Variants in IMMP2L observed in about 807,000 individuals in gnomAD.
The protein encoded by IMMP2L is mitochondrial inner membrane protease subunit 2.
Under a neutral mutation model 19.3 loss-of-function variants are expected in IMMP2L, and 18 were observed. That is an observed-to-expected ratio of 0.93 (90% CI 0.64 to 1.38). The LOEUF (loss-of-function observed/expected upper bound fraction) is 1.38. IMMP2L is among the 40% of genes most tolerant of loss of function. The pLI, the probability that IMMP2L is intolerant of heterozygous loss-of-function variation, is 0.00. For synonymous variants in IMMP2L, 76 were observed against 73.0 expected (o/e 1.04, Z -0.21); for missense variants, 233 against 218.2 (o/e 1.07, Z -0.43).
intron 4 of IMMP2L, among the ~76,000 whole-genome samples, chr7:110,901,004 C>T (rs1585194217): frequency 6.6e-6 from 1 of 152,052 alleles, no homozygotes; most frequent in African/African-American, 2.4e-5. Flanking sequence ...TGTTGCTTCA[C>T]TTGCTGTTCT....
At position 111,010,729 on chromosome 7, in the gene IMMP2L, T is replaced by C. The variant is rs531922672; in HGVS notation, c.240-47164A>G. On this transcript the variant is annotated intron_variant, in intron 3 of 5. Coordinates refer to ENST00000405709, the MANE Select transcript of IMMP2L (RefSeq NM_032549.4). Reference sequence around the variant, plus strand: ...AGCTAGGTCCTCCATCCAGGTACTTTGGAAGAAATCAGATAACTGAAGCTC... The same window carrying C: ...AGCTAGGTCCTCCATCCAGGTACTTCGGAAGAAATCAGATAACTGAAGCTC... Among the ~76,000 whole-genome samples, 5 of 152,156 alleles carry C rather than the reference T, an allele frequency of 3.3e-5. 1 individual carries two copies. Among genetic ancestry groups the C allele is most frequent in the African/African-American group, 1.2e-4 (5 of 41,528 alleles).
chr7:110,824,468 G>C (rs1584943347), intron 5 of IMMP2L, among the ~76,000 whole-genome samples: 1 of 152,084 alleles, frequency 6.6e-6, no homozygotes, highest in South Asian at 2.1e-4. Context: ...CCAGGCTCAA[G>C]AGATCCTCCC....
At chr7:111,068,216 G>C (rs1794671118) in intron 3 of IMMP2L, among the ~76,000 whole-genome samples, 1 of 151,580 alleles carries the variant, frequency 6.6e-6, no homozygotes, top group South Asian at 2.1e-4. Context: ...GAAAGAGTGT[G>C]AGAAGACAGA....
chr7:111,377,217 G>A (rs1016003719), intron 3 of IMMP2L, among the ~76,000 whole-genome samples: 1 of 151,656 alleles, frequency 6.6e-6, no homozygotes, highest in Non-Finnish European at 1.5e-5. Flanking sequence ...CTTCTATAAT[G>A]TTACTCTTTC....
At chr7:110,868,164 T>C (rs920555210) in intron 5 of IMMP2L, among the ~76,000 whole-genome samples, 2 of 131,138 alleles carry the variant, frequency 1.5e-5, no homozygotes, top group African/African-American at 5.5e-5. Flanking sequence ...GAAAATTCAG[T>C]GATACGGAGA....
intron 5 of IMMP2L, among the ~76,000 whole-genome samples, chr7:110,874,944 C>T (rs1808915530): frequency 6.6e-6 from 1 of 151,838 alleles, no homozygotes; most frequent in Non-Finnish European, 1.5e-5. Flanking sequence ...GGCAGAAGGG[C>T]AAAGAGGAAA....
At chr7:111,168,381 C>A (rs1468392710) in intron 3 of IMMP2L, among the ~76,000 whole-genome samples, 1 of 151,628 alleles carries the variant, frequency 6.6e-6, no homozygotes, top group Non-Finnish European at 1.5e-5. Flanking sequence ...ATGTACGTTG[C>A]TAAGCAAACC....
chr7:110,814,297 T>A (rs891235135), intron 5 of IMMP2L, among the ~76,000 whole-genome samples: 2 of 151,916 alleles, frequency 1.3e-5, no homozygotes, highest in Non-Finnish European at 2.9e-5. Flanking sequence ...AACTGGGGCC[T>A]ACTTGAGGTT....
At chr7:110,682,594 G>C (rs116111426) in intron 5 of IMMP2L, among the ~76,000 whole-genome samples, 1 of 152,076 alleles carries the variant, frequency 6.6e-6, no homozygotes, top group African/African-American at 2.4e-5. Context: ...CTTCTCACCC[G>C]CCTGGAAAGA....
chr7:111,253,528 G>T (rs540997245), intron 3 of IMMP2L, among the ~76,000 whole-genome samples: 15 of 152,274 alleles, frequency 9.9e-5, no homozygotes, highest in Non-Finnish European at 1.6e-4. Context: ...CTATTTGGCT[G>T]TGAAGACTGC....
chr7:111,095,682 T>A (rs1797326255), intron 3 of IMMP2L, among the ~76,000 whole-genome samples: 1 of 152,152 alleles, frequency 6.6e-6, no homozygotes, highest in Admixed American at 6.6e-5. Flanking sequence ...GACTCAGCTA[T>A]TGATCATCCA....
chr7:110,765,509 C>T (rs916584406), intron 5 of IMMP2L, among the ~76,000 whole-genome samples: 2 of 151,640 alleles, frequency 1.3e-5, no homozygotes, highest in Admixed American at 6.6e-5. Context: ...TTTTTTTCTT[C>T]GATATGACAT....
intron 3 of IMMP2L, among the ~76,000 whole-genome samples, chr7:111,264,624 C>G (rs954372796): frequency 6.6e-6 from 1 of 151,532 alleles, no homozygotes; most frequent in Non-Finnish European, 1.5e-5. Flanking sequence ...GAAGACCAGG[C>G]ACTGACTGGC....
At chr7:111,426,766 G>C (rs2131644856) in intron 3 of IMMP2L, among the ~76,000 whole-genome samples, 1 of 151,190 alleles carries the variant, frequency 6.6e-6, no homozygotes, top group East Asian at 1.9e-4. Flanking sequence ...TTTATGATCT[G>C]CAAGATGTGG....
intron 3 of IMMP2L, among the ~76,000 whole-genome samples, chr7:111,271,173 C>T (rs917290664): frequency 6.6e-6 from 1 of 152,054 alleles, no homozygotes; most frequent in African/African-American, 2.4e-5. Flanking sequence ...TTGCTTGGCA[C>T]TTCTCCTTCC....
chr7:111,087,488 T>C (rs214894), intron 3 of IMMP2L, among the ~76,000 whole-genome samples: 8,328 of 150,352 alleles, frequency 0.055, 414 homozygotes, highest in African/African-American at 0.13. Flanking sequence ...AACACTAGAA[T>C]AGCTATAATT....
At chr7:110,933,419 C>A (rs1029066871) in intron 4 of IMMP2L, among the ~76,000 whole-genome samples, 1 of 152,206 alleles carries the variant, frequency 6.6e-6, no homozygotes, top group Admixed American at 6.5e-5. Flanking sequence ...TCACCTATTT[C>A]TTTCTCCCTG....
At chr7:110,976,528 T>C (rs1820716217) in intron 3 of IMMP2L, among the ~76,000 whole-genome samples, 1 of 152,078 alleles carries the variant, frequency 6.6e-6, no homozygotes, top group Admixed American at 6.6e-5. Flanking sequence ...CTAATAAAAA[T>C]GGCAACTGAG....
At position 110,813,158 on chromosome 7, in the gene IMMP2L, G is replaced by A. The variant is rs963564114; in HGVS notation, c.408+73435C>T. ...AAAATCAAAGGATATAGAATGGAAA[G>A]AGGTACATGAAGAGTTTTTCTAACT... is the stretch of plus-strand genomic sequence containing the variant. On this transcript the variant is annotated intron_variant, in intron 5 of 5. Transcript: ENST00000405709. Among the ~76,000 whole-genome samples, 3 of 152,104 alleles carry A rather than the reference G, an allele frequency of 2.0e-5. No individual in the cohort carries two copies. The South Asian group carries it at 6.2e-4, about 32-fold the overall frequency.
Sources: allele counts gnomAD v4.1 joint callset (sites outside exome capture counted in the v4.1 genomes callset), GRCh38; gene constraint gnomAD v4.1.1; transcripts MANE v1.5; gene names NCBI Gene and HGNC (gene_info 2026-07-23, HGNC 2026-07-21).